The following CADPS2 variants were observed in gnomAD, a reference collection of about 807,000 sequenced individuals.
The protein encoded by CADPS2 is calcium-dependent secretion activator 2.
Under a neutral mutation model 172.5 loss-of-function variants are expected in CADPS2, and 93 were observed. The ratio of observed to expected loss-of-function variants is 0.54; its 90% CI spans 0.46 to 0.64. CADPS2 has a LOEUF of 0.64. CADPS2 is among the 30% of genes least tolerant of loss of function. CADPS2 has a pLI of 0.00. For synonymous variants in CADPS2, 546 were observed against 555.2 expected, an observed-to-expected ratio of 0.98 and a Z score of 0.23; for missense variants, 1,420 against 1,565.9, an observed-to-expected ratio of 0.91 and a Z score of 1.57.
At chr7:122,755,853 G>GT (rs2093137709) in intron 1 of CADPS2, among the ~76,000 whole-genome samples, 1 of 152,194 alleles carries the variant, frequency 6.6e-6, no homozygotes, top group Admixed American at 6.5e-5. Flanking sequence ...TGCAACTCAA[G>GT]TAACACCTAG....
intron 2 of CADPS2, among the ~76,000 whole-genome samples, chr7:122,665,368 T>A (rs966306104): frequency 1.3e-5 from 2 of 152,144 alleles, no homozygotes; most frequent in African/African-American, 4.8e-5. Context: ...GCAAGAAGAT[T>A]CCTGGAGCTC....
chr7:122,722,976 T>C (rs1228993322), intron 2 of CADPS2, among the ~76,000 whole-genome samples: 1 of 152,068 alleles, frequency 6.6e-6, no homozygotes. Flanking sequence ...TGGCTAGCTA[T>C]ATGTAGACAG....
At chr7:122,727,662 A>G (rs1417395201) in intron 2 of CADPS2, among the ~76,000 whole-genome samples, 1 of 151,808 alleles carries the variant, frequency 6.6e-6, no homozygotes, top group Non-Finnish European at 1.5e-5. Context: ...AAATTCTACA[A>G]TCCATGCATT....
At position 122,477,052 on chromosome 7, in the gene CADPS2, AAGAGAGAG is replaced by A. The variant is rs541881529; in HGVS notation, c.1862-2543_1862-2536del. Among the ~76,000 whole-genome samples, 131 of 25,990 alleles carry A rather than the reference AAGAGAGAG, an allele frequency of 5.0e-3. 2 individuals are homozygous for A. Among genetic ancestry groups the A allele is most frequent in the African/African-American group, 0.01 (70 of 6,672 alleles). 17.1% of individuals were successfully genotyped at this position (25,990 alleles called of 152,430 possible). A position where few individuals can be genotyped will look rare whatever the true frequency, so the allele number is the denominator to read the frequency against. ...GGAGAGGAGAGGAGAGGAGAGAGAG[AAGAGAGAG>A]AGAGAGAGAGAGAGAGAGAGAGGGA... On this transcript the variant is annotated intron_variant, in intron 12 of 29. Coordinates refer to ENST00000449022, the MANE Select transcript of CADPS2 (RefSeq NM_017954.11).
At chr7:122,354,747 A>G (rs1249989324) in intron 27 of CADPS2, among the ~76,000 whole-genome samples, 2 of 152,144 alleles carry the variant, frequency 1.3e-5, no homozygotes, top group African/African-American at 2.4e-5. Context: ...CACCTAGTCC[A>G]GGTCTTGCTT....
intron 8 of CADPS2, among the ~76,000 whole-genome samples, chr7:122,545,677 A>G (rs931680486): frequency 6.6e-6 from 1 of 152,126 alleles, no homozygotes. Context: ...TGGCAGAAGG[A>G]ATAAAAAGGG....
chr7:122,325,396 A>C (rs2150732730), intron 29 of CADPS2, 81 bp downstream of exon 29: 1 of 861,488 alleles, frequency 1.2e-6, no homozygotes, highest in Non-Finnish European at 1.9e-6. Flanking sequence ...TACATCAAAT[A>C]CAGTTTTCTT....
At chr7:122,428,549 C>G (rs1162998114) in intron 17 of CADPS2, among the ~76,000 whole-genome samples, 1 of 150,734 alleles carries the variant, frequency 6.6e-6, no homozygotes, top group Non-Finnish European at 1.5e-5. Flanking sequence ...CTCACTGCAA[C>G]CTCTGCCTCC....
At chr7:122,565,786 C>T (rs550234978) in intron 7 of CADPS2, among the ~76,000 whole-genome samples, 15 of 152,274 alleles carry the variant, frequency 9.9e-5, no homozygotes, top group African/African-American at 3.6e-4. Context: ...TGTGTATGTA[C>T]TGAGAACATT....
chr7:122,622,130 A>G (rs1389976067), intron 4 of CADPS2, among the ~76,000 whole-genome samples: 2 of 152,218 alleles, frequency 1.3e-5, no homozygotes, highest in Admixed American at 6.5e-5. Context: ...AAGTTAGGAA[A>G]CAAACATTTT....
At chr7:122,821,044 A>G (rs200855821) in intron 1 of CADPS2, among the ~76,000 whole-genome samples, 197 of 144,194 alleles carry the variant, frequency 1.4e-3, no homozygotes, top group South Asian at 2.8e-3. Flanking sequence ...TCCTTCAGCT[A>G]TACTCACTCT....
At chr7:122,801,234 A>G (rs1797583176) in intron 1 of CADPS2, among the ~76,000 whole-genome samples, 2 of 152,178 alleles carry the variant, frequency 1.3e-5, no homozygotes, top group South Asian at 4.1e-4. Flanking sequence ...ACTAACCAAA[A>G]TCAGACAAAG....
chr7:122,785,326 C>T (rs766391257), intron 1 of CADPS2, among the ~76,000 whole-genome samples: 2 of 152,122 alleles, frequency 1.3e-5, no homozygotes. Flanking sequence ...TGTAGATTGT[C>T]ATTTTGTGGA....
chr7:122,355,115 T>C (rs1197125607), intron 27 of CADPS2, among the ~76,000 whole-genome samples: 1 of 152,192 alleles, frequency 6.6e-6, no homozygotes, highest in East Asian at 1.9e-4. Flanking sequence ...TATATTTAAA[T>C]GGTTTGATTT....
rs2031858168 is a variant in CADPS2, at chr7:122,319,084, TATTACTAAC to T, written c.*1072_*1080del. 1 of 152,214 alleles carries T rather than the reference TATTACTAAC, an allele frequency of 6.6e-6. No homozygotes were observed. The highest frequency in any genetic ancestry group is 1.9e-4 in the East Asian group (1 of 5,198). The allele number at this position is 152,214 out of a possible 1,614,324, so 9.4% of individuals were successfully genotyped here. ...ACTAATAATGTGAATTACTAGTTAATATTACTAACATTACTAATTATTAGTTAACATTGA... is the reference window on the plus strand; with the variant it reads ...ACTAATAATGTGAATTACTAGTTAATATTACTAATTATTAGTTAACATTGA... On this transcript the variant is annotated 3_prime_UTR_variant, in exon 30 of 30. Transcript: ENST00000449022.
intron 1 of CADPS2, among the ~76,000 whole-genome samples, chr7:122,745,455 C>T (rs1202121760): frequency 2.0e-5 from 3 of 151,692 alleles, no homozygotes; most frequent in African/African-American, 7.3e-5. Context: ...CATATTATTC[C>T]GTTTCCCTCA....
At chr7:122,756,182 A>G (rs558494126) in intron 1 of CADPS2, among the ~76,000 whole-genome samples, 1 of 152,350 alleles carries the variant, frequency 6.6e-6, no homozygotes, top group African/African-American at 2.4e-5. Flanking sequence ...CTTAACTGGC[A>G]GTGGAACACC....
chr7:122,566,919 C>T (rs2066547320), intron 7 of CADPS2, among the ~76,000 whole-genome samples: 1 of 152,170 alleles, frequency 6.6e-6, no homozygotes, highest in South Asian at 2.1e-4. Flanking sequence ...TGCTAGACAG[C>T]TGCTGTTGCT....
chr7:122,837,457 AAAAAACCCTTCC>A (rs1382007834), intron 1 of CADPS2, among the ~76,000 whole-genome samples: 1 of 152,206 alleles, frequency 6.6e-6, no homozygotes, highest in Non-Finnish European at 1.5e-5. Context: ...ACAGAGACAC[AAAAAACCCTTCC>A]AAAAATCAGT....
Sources: gnomAD v4.1 joint callset for allele counts (sites outside exome capture counted in the v4.1 genomes callset) on GRCh38, gnomAD v4.1.1 for gene constraint, MANE v1.5 for transcripts, NCBI Gene and HGNC (gene_info 2026-07-23, HGNC 2026-07-21) for gene names.